Variants in MYO15A observed in about 807,000 individuals in gnomAD.
MYO15A encodes the protein unconventional myosin-XV.
Under a neutral mutation model 394.6 loss-of-function variants are expected in MYO15A, and 308 were observed. The ratio of observed to expected loss-of-function variants is 0.78; its 90% CI spans 0.71 to 0.86. The LOEUF is 0.86. Ranked by LOEUF, MYO15A falls within the 40% of genes least tolerant of loss-of-function variation. The probability of loss-of-function intolerance (pLI) is 0.00; values close to 1 mark genes in which losing one functional copy is unlikely to be tolerated. For missense variants in MYO15A, 4,606 were observed against 4,799.1 expected (o/e 0.96, Z 1.19); for synonymous variants, 1,957 against 2,003.8 (o/e 0.98, Z 0.62).
chr17:18,142,043 C>T (rs1424382117), intron 23 of MYO15A, 36 bp from the exon 24 acceptor site: 1 of 1,608,902 alleles, frequency 6.2e-7, no homozygotes. Context: ...AGCCTCCTGG[C>T]TCCTATCTGC....
rs1232825742 is a variant in MYO15A, at chr17:18,171,717, C to T, written c.10162C>T (p.His3388Tyr). 6.2e-7 allele frequency: 1 copy of T among 1,612,804 alleles called. No individual in the cohort carries two copies. Among genetic ancestry groups the T allele is most frequent in the Non-Finnish European group, 8.5e-7 (1 of 1,180,000 alleles). The change falls in exon 63 of 66, where the codon CAC becomes TAC. Residue 3388 changes from histidine to tyrosine, a missense_variant. Physicochemically the swap from His to Tyr is moderately conservative, Grantham distance 83. This residue lies in a region of MYO15A where 2,776 missense variants were observed against 3,109.3 expected (regional missense o/e 0.89). Coordinates refer to ENST00000647165, the MANE Select transcript of MYO15A (RefSeq NM_016239.4). ...GACCTGGCTCAACCTGGTCAGCCAG[C>T]ACCGGCAGCAGACACAGGCGCTCAG... ...GSTWLNLVSQ[H>Y]RQQTQALSPH...
In MYO15A at chr17:18,118,761, T is replaced by A. The variant is rs1263450279; in HGVS notation, c.-40T>A. On this transcript the variant is annotated 5_prime_UTR_variant, in exon 2 of 66. Coordinates refer to ENST00000647165, the MANE Select transcript of MYO15A (RefSeq NM_016239.4). ...CTGTGTCTCCAAGTCCCTGAGCCCG[T>A]GACACCGGCCCCAGGCCCTGTAGAG... 1 of 1,607,404 alleles carries A rather than the reference T, an allele frequency of 6.2e-7. No homozygotes were observed. Among genetic ancestry groups the A allele is most frequent in the Non-Finnish European group, 8.5e-7 (1 of 1,177,734 alleles).
At position 18,132,328 on chromosome 17, in the gene MYO15A, G is replaced by A. The variant is rs915045386; in HGVS notation, c.4207-125G>A. On this transcript the variant is annotated intron_variant, in intron 10 of 65. Coordinates refer to ENST00000647165, the MANE Select transcript of MYO15A (RefSeq NM_016239.4). The surrounding 1 kb of genome is among the most constrained non-coding windows in gnomAD (Gnocchi z 4.6). Reference sequence around the variant, plus strand: ...TGGGAGCCTCACCCATCACAGAGGCGCGTGTTCTCATCTGCAGCCCACTGT... The same window carrying A: ...TGGGAGCCTCACCCATCACAGAGGCACGTGTTCTCATCTGCAGCCCACTGT... 3.1e-5 allele frequency: 23 copies of A among 748,262 alleles called. No homozygotes were observed. In the East Asian group the frequency reaches 3.2e-4, roughly 10 times the overall value. The allele number at this position is 748,262 out of a possible 1,614,324, so 46.4% of individuals were successfully genotyped here. A position where few individuals can be genotyped will look rare whatever the true frequency, so the allele number is the denominator to read the frequency against.
Position 18,121,826 on chromosome 17 carries a change from C to G in MYO15A, c.3026C>G (p.Pro1009Arg), listed in dbSNP as rs117612144. 1 of 1,612,882 alleles carries G rather than the reference C, an allele frequency of 6.2e-7. No homozygotes were observed. ...GQLTKSAGPT[P>R]EKPEEEATLG... ...CTCACCAAATCAGCTGGCCCAACCC[C>G]TGAGAAGCCTGAAGAAGAGGCCACC... The change falls in exon 2 of 66, where the codon CCT (proline) becomes CGT (arginine). Residue 1009 changes from proline (P) to arginine (R), a missense_variant. Coordinates refer to ENST00000647165, the MANE Select transcript of MYO15A (RefSeq NM_016239.4). The surrounding 1 kb of genome is among the most constrained non-coding windows in gnomAD (Gnocchi z 5.3).
At chr17:18,135,584 A>G (rs983310394) in intron 12 of MYO15A, 127 bp from the exon 13 acceptor site, 2 of 832,242 alleles carry the variant, frequency 2.4e-6, no homozygotes, top group Admixed American at 2.1e-5. Flanking sequence ...CAGGTGATCC[A>G]CCCGCCTCAG....
rs1265980591 is a variant in MYO15A, at chr17:18,178,388, T to G, written c.10492-381T>G. 19 of 328,172 alleles carry G rather than the reference T, an allele frequency of 5.8e-5. No individual in the cohort carries two copies. In the East Asian group the frequency reaches 1.3e-3, roughly 22 times the overall value. The allele number at this position is 328,172 out of a possible 1,614,324, so 20.3% of individuals were successfully genotyped here. A position where few individuals can be genotyped will look rare whatever the true frequency, so the allele number is the denominator to read the frequency against. On this transcript the variant is annotated intron_variant, in intron 65 of 65. Coordinates refer to ENST00000647165, the MANE Select transcript of MYO15A (RefSeq NM_016239.4). ...CATCTAGGAAAAAAAAAAAAAGAAT[T>G]TACATGCAATAAAGCCTCACTGAAT...
chr17:18,149,449 A>G (rs778810901), intron 34 of MYO15A, 37 bp from the exon 35 acceptor site: 1 of 1,614,164 alleles, frequency 6.2e-7, no homozygotes, highest in Non-Finnish European at 8.5e-7. Flanking sequence ...AATCATCAAG[A>G]AAAAAGAACT....
At chr17:18,130,536 A>G (rs1034645744) in intron 7 of MYO15A, among the ~76,000 whole-genome samples, 1 of 151,766 alleles carries the variant, frequency 6.6e-6, no homozygotes, top group Non-Finnish European at 1.5e-5. Flanking sequence ...GCCAGGGAGG[A>G]TCCTTGGCTG....
chr17:18,114,390 T>TA (rs2045760644), intron 1 of MYO15A, among the ~76,000 whole-genome samples: 1 of 151,970 alleles, frequency 6.6e-6, no homozygotes, highest in African/African-American at 2.4e-5. Flanking sequence ...TAGCTGCAAT[T>TA]ACAGGCATGC....
Position 18,121,074 on chromosome 17 carries a change from C to G in MYO15A, c.2274C>G (p.Pro758=), listed in dbSNP as rs761299340. 7.3e-6 allele frequency: 11 copies of G among 1,506,050 alleles called. No homozygotes were observed. Among genetic ancestry groups the G allele is most frequent in the South Asian group, 1.2e-5 (1 of 81,288 alleles). The allele number at this position is 1,506,050 out of a possible 1,614,324, so 93.3% of individuals were successfully genotyped here. A position where few individuals can be genotyped will look rare whatever the true frequency, so the allele number is the denominator to read the frequency against. ...SRRRGAAFGF[P]GASPRASRRR... ...GGAGAGGGGCGGCTTTCGGCTTCCCCGGGGCCTCTCCACGGGCGTCGCGGA... is the reference window on the plus strand; with the variant it reads ...GGAGAGGGGCGGCTTTCGGCTTCCCGGGGGCCTCTCCACGGGCGTCGCGGA... The change falls in exon 2 of 66, where the codon CCC becomes CCG. Residue 758 remains proline (P), a synonymous_variant. Coordinates refer to ENST00000647165, the MANE Select transcript of MYO15A (RefSeq NM_016239.4). This position sits in a 1 kb window ranked among gnomAD's most constrained non-coding sequence, Gnocchi z 5.3.
Position 18,119,348 on chromosome 17 carries a change from C to A in MYO15A, c.548C>A (p.Pro183His). ...PFPSGAEILR[P>H]GGRLRRFPRS... ...CCGTCGGGTGCCGAGATCCTGCGGC[C>A]TGGGGGCCGGCTCCGGAGGTTCCCC... The change falls in exon 2 of 66, where the codon CCT (proline) becomes CAT (histidine). Residue 183 changes from proline to histidine, a missense_variant. Coordinates refer to ENST00000647165, the MANE Select transcript of MYO15A (RefSeq NM_016239.4). 1.2e-6 allele frequency: 2 copies of A among 1,609,242 alleles called. No homozygotes were observed. Among genetic ancestry groups the A allele is most frequent in the Non-Finnish European group, 1.7e-6 (2 of 1,179,132 alleles).
Position 18,153,988 on chromosome 17 carries a change from A to T in MYO15A, c.8088+92A>T, listed in dbSNP as rs2046631191. On this transcript the variant is annotated intron_variant, in intron 43 of 65. Transcript: ENST00000647165. The surrounding 1 kb of genome is among the most constrained non-coding windows in gnomAD (Gnocchi z 4.1). ...AGGAGGGTCTAGGACTTGGGGAGGGAGCCCAGGAGGACAGAAAAAGGCCGG... is the reference window on the plus strand; with the variant it reads ...AGGAGGGTCTAGGACTTGGGGAGGGTGCCCAGGAGGACAGAAAAAGGCCGG... 1.9e-6 allele frequency: 3 copies of T among 1,605,920 alleles called. No individual in the cohort carries two copies. The East Asian group carries it at 6.7e-5, about 36-fold the overall frequency.
chr17:18,153,142 G>A lies in MYO15A; in HGVS notation c.7967-633G>A, dbSNP rs1339120623. 6.6e-6 allele frequency among the ~76,000 whole-genome samples: 1 copy of A among 152,220 alleles called. No homozygotes were observed. The highest frequency in any genetic ancestry group is 1.9e-4 in the East Asian group (1 of 5,204). On this transcript the variant is annotated intron_variant, in intron 42 of 65. Coordinates refer to ENST00000647165, the MANE Select transcript of MYO15A (RefSeq NM_016239.4). This position sits in a 1 kb window ranked among gnomAD's most constrained non-coding sequence, Gnocchi z 4.1. The stretch of plus-strand genomic sequence containing the variant: ...GTTTTGGCTGGGTGTAGTGGCTCAC[G>A]CCTGTAATCCCAGCACTTTGGGAGT...
At chr17:18,145,070 G>A (rs1406063044) in intron 29 of MYO15A, among the ~76,000 whole-genome samples, 1 of 152,164 alleles carries the variant, frequency 6.6e-6, no homozygotes, top group Non-Finnish European at 1.5e-5. Context: ...AAAGTACACA[G>A]AGAAGAGGAA....
chr17:18,124,294 CAT>C (rs1251811623), intron 2 of MYO15A, 187 bp from the exon 3 acceptor site: 2 of 666,966 alleles, frequency 3.0e-6, no homozygotes, highest in Non-Finnish European at 2.7e-6. Flanking sequence ...GCGTGTGTCT[CAT>C]GTGTGAGGGT....
At chr17:18,154,309 G>A in intron 44 of MYO15A, 119 bp downstream of exon 44, 1 of 1,195,240 alleles carries the variant, frequency 8.4e-7, no homozygotes, top group Non-Finnish European at 1.2e-6. Flanking sequence ...TGACAGGGGT[G>A]AGGATGGGCA....
At position 18,126,286 on chromosome 17, in the gene MYO15A, G is replaced by A. The variant is rs1372360440; in HGVS notation, c.3757-61G>A. The A allele has an allele frequency of 3.0e-6, 4 of 1,342,854 alleles. No individual in the cohort carries two copies. The Admixed American group carries it at 6.7e-5, about 23-fold the overall frequency. The allele number at this position is 1,342,854 out of a possible 1,614,324, so 83.2% of individuals were successfully genotyped here. ...AGGGAGCCAGGCTCCCAGCATAGGG[G>A]AGGGAGGGACATAGAGGTCTGCAAG... On this transcript the variant is annotated intron_variant, in intron 4 of 65. Transcript: ENST00000647165.
chr17:18,157,742 C>T lies in MYO15A; in HGVS notation c.8809C>T (p.His2937Tyr). The change falls in exon 51 of 66, where the codon CAC (histidine) becomes TAC (tyrosine). Residue 2937 changes from histidine to tyrosine, a missense_variant. His to Tyr is a moderately conservative substitution (Grantham distance 83). Around this residue, in one of 2 missense-constraint regions of MYO15A, gnomAD observed 2,776 missense variants for 3,109.3 expected, o/e 0.89. Coordinates refer to ENST00000647165, the MANE Select transcript of MYO15A (RefSeq NM_016239.4). ...CCTAGGCTGGAGGTTCGGGACCATC[C>T]ACGGGCGCGTGGGCCGCTTCCCTTC... ...PDFGWRFGTIHGRVGRFPSEL... is the reference protein window; with the variant it reads ...PDFGWRFGTIYGRVGRFPSEL... 1 of 1,606,440 alleles carries T rather than the reference C, an allele frequency of 6.2e-7. No individual in the cohort carries two copies. The highest frequency in any genetic ancestry group is 8.5e-7 in the Non-Finnish European group (1 of 1,179,866).
In MYO15A at chr17:18,136,634, C is replaced by T; in HGVS notation, c.4727C>T (p.Ser1576Phe). Residue 1576 changes from serine (S) to phenylalanine (F), a missense_variant, in exon 15 of 66, where the codon TCC (serine) becomes TTC (phenylalanine). Transcript: ENST00000647165. ...ATCACCAGGGTCAACGCGCTGGTGT[C>T]CCCAAGGCAGGACACACTGTCCATC... Reference protein sequence around the residue: ...WLITRVNALVSPRQDTLSIAI... With the variant: ...WLITRVNALVFPRQDTLSIAI... The T allele has an allele frequency of 6.2e-7, 1 of 1,613,438 alleles. No individual in the cohort carries two copies. The highest frequency in any genetic ancestry group is 8.5e-7 in the Non-Finnish European group (1 of 1,179,966).
Sources: allele counts gnomAD v4.1 joint callset (sites outside exome capture counted in the v4.1 genomes callset), GRCh38; gene constraint gnomAD v4.1.1; regional missense constraint gnomAD v4.1.1; non-coding constraint Gnocchi (gnomAD v3.1); transcripts MANE v1.5; gene names NCBI Gene and HGNC (gene_info 2026-07-23, HGNC 2026-07-21).